Variants in RMDN2 observed in about 807,000 individuals in gnomAD.
RMDN2 encodes regulator of microtubule dynamics 2, also known as regulator of microtubule dynamics protein 2.
RMDN2 carries 61 observed loss-of-function variants against 52.8 expected under a neutral mutation model. That is an observed-to-expected ratio of 1.16 (90% CI 0.94 to 1.43). The LOEUF (loss-of-function observed/expected upper bound fraction) is 1.43, where lower values mean the gene tolerates loss of function less well. RMDN2 is among the 40% of genes most tolerant of loss of function. The pLI, the probability that RMDN2 is intolerant of heterozygous loss-of-function variation, is 0.00. For synonymous variants in RMDN2, 180 were observed against 153.1 expected, an observed-to-expected ratio of 1.18 and a Z score of -1.30; for missense variants, 592 against 475.3, an observed-to-expected ratio of 1.25 and a Z score of -2.28.
intron 10 of RMDN2, among the ~76,000 whole-genome samples, chr2:38,010,813 G>C (rs1276748112): frequency 1.3e-5 from 2 of 152,184 alleles, no homozygotes; most frequent in Non-Finnish European, 2.9e-5. Flanking sequence ...CACGCTCGGA[G>C]CTGTAGACTG....
chr2:37,977,895 C>T (rs1037840914), intron 4 of RMDN2, among the ~76,000 whole-genome samples: 16 of 151,812 alleles, frequency 1.1e-4, no homozygotes, highest in African/African-American at 1.5e-4. Context: ...CAGGCAGAGA[C>T]GCTCCTCACT....
intron 2 of RMDN2, among the ~76,000 whole-genome samples, chr2:37,970,837 A>G (rs7567829): frequency 0.82 from 124,660 of 152,126 alleles, 51,281 homozygotes; most frequent in Middle Eastern, 0.92. Flanking sequence ...ATAAAGCTCC[A>G]TCTTTTAAAT....
At chr2:37,963,118 A>T (rs1407561820) in intron 2 of RMDN2, 3 of 149,980 alleles carry the variant, frequency 2.0e-5, no homozygotes, top group Non-Finnish European at 4.4e-5. Context: ...TCTCGCTGGG[A>T]GCTGCAGACC....
chr2:37,933,221 G>A lies in RMDN2; in HGVS notation c.452+3492G>A, dbSNP rs571144094. ...TCACTTCCCAGATGTGATGGTGGCC[G>A]GGAAGAGGCGCTCCTCACTTCCTAG... On this transcript the variant is annotated intron_variant, in intron 2 of 10. Transcript: ENST00000354545. Among the ~76,000 whole-genome samples, 508 of 151,972 alleles carry A rather than the reference G, an allele frequency of 3.3e-3. 2 individuals carry two copies. Among genetic ancestry groups the A allele is most frequent in the Middle Eastern group, 0.017 (5 of 292 alleles).
At chr2:37,968,402 G>C (rs1671354718) in intron 2 of RMDN2, among the ~76,000 whole-genome samples, 1 of 133,820 alleles carries the variant, frequency 7.5e-6, no homozygotes, top group Non-Finnish European at 1.5e-5. Flanking sequence ...TCACACCACT[G>C]CCCTCCAGCC....
In RMDN2 at chr2:38,022,988, T is replaced by C. The variant is rs76949227; in HGVS notation, c.1713+18772T>C. Among the ~76,000 whole-genome samples, 788 of 152,322 alleles carry C rather than the reference T, an allele frequency of 5.2e-3. 8 individuals carry two copies. The highest frequency in any genetic ancestry group is 0.02 in the Middle Eastern group (6 of 294). On this transcript the variant is annotated intron_variant, in intron 10 of 10. Transcript: ENST00000234195. Reference sequence around the variant, plus strand: ...TTCTTTGAGCCCGGGGCTGTTTATGTTTAATTGATTGGAGTCCAGTGTGTC... The same window carrying C: ...TTCTTTGAGCCCGGGGCTGTTTATGCTTAATTGATTGGAGTCCAGTGTGTC...
intron 10 of RMDN2, among the ~76,000 whole-genome samples, chr2:38,050,366 A>G (rs1476563680): frequency 1.3e-5 from 2 of 152,108 alleles, no homozygotes; most frequent in Non-Finnish European, 2.9e-5. Context: ...AAATAAAAAA[A>G]AAACCTTCCC....
chr2:38,003,596 ATAGATAGG>A (rs1221727920), intron 8 of RMDN2, among the ~76,000 whole-genome samples: 28 of 120,538 alleles, frequency 2.3e-4, no homozygotes, highest in East Asian at 7.1e-4. Context: ...AGATAGATAG[ATAGATAGG>A]CAGACAGACA....
At chr2:37,994,792 A>T (rs1006440808) in intron 7 of RMDN2, among the ~76,000 whole-genome samples, 2 of 152,250 alleles carry the variant, frequency 1.3e-5, no homozygotes, top group Admixed American at 1.3e-4. Flanking sequence ...AGTATTCACC[A>T]AGAGAAATAA....
chr2:37,929,252 T>C lies in RMDN2; in HGVS notation c.-16-10T>C. The C allele has an allele frequency of 7.0e-7, 1 of 1,430,958 alleles. No homozygotes were observed. The highest frequency in any genetic ancestry group is 1.4e-5 in the African/African-American group (1 of 69,360). The allele number at this position is 1,430,958 out of a possible 1,614,324, so 88.6% of individuals were successfully genotyped here. A position where few individuals can be genotyped will look rare whatever the true frequency, so the allele number is the denominator to read the frequency against. On this transcript the variant is annotated splice_polypyrimidine_tract_variant and intron_variant, in intron 1 of 10. Transcript: ENST00000354545. ...ACAACATTCATTTACATTTATGTTT[T>C]TAATTTTAGAAACGAAAACCAAGAA...
intron 10 of RMDN2, among the ~76,000 whole-genome samples, chr2:38,010,726 G>A (rs1365127876): frequency 2.0e-5 from 3 of 152,102 alleles, no homozygotes; most frequent in East Asian, 1.9e-4. Flanking sequence ...TCCTGCACCC[G>A]CTTTCTGACA....
At chr2:37,951,949 T>C in intron 2 of RMDN2, 1 of 1,613,562 alleles carries the variant, frequency 6.2e-7, no homozygotes, top group Non-Finnish European at 8.5e-7. Flanking sequence ...TGTAAAGATT[T>C]AAAAGATTTC....
chr2:38,003,014 G>A (rs964273072), intron 8 of RMDN2: 1 of 152,150 alleles, frequency 6.6e-6, no homozygotes, highest in African/African-American at 2.4e-5. Flanking sequence ...ATTTCCCAGA[G>A]ATAAAGGAAC....
At chr2:38,033,142 C>A (rs1348546236) in intron 10 of RMDN2, 2 of 152,210 alleles carry the variant, frequency 1.3e-5, no homozygotes, top group African/African-American at 2.4e-5. Flanking sequence ...ATTCATAGTT[C>A]TCTGACCAGT....
chr2:38,037,501 G>T (rs1680663811), intron 10 of RMDN2, among the ~76,000 whole-genome samples: 1 of 152,204 alleles, frequency 6.6e-6, no homozygotes, highest in South Asian at 2.1e-4. Flanking sequence ...GAAGTGTGTG[G>T]CAACACCAAA....
intron 10 of RMDN2, among the ~76,000 whole-genome samples, chr2:38,009,577 T>A (rs1573071521): frequency 6.6e-6 from 1 of 152,242 alleles, no homozygotes; most frequent in African/African-American, 2.4e-5. Flanking sequence ...CTTTAAGGAA[T>A]TCTCTGCGTT....
At chr2:38,059,474 C>T (rs989948505) in intron 10 of RMDN2, among the ~76,000 whole-genome samples, 2 of 152,144 alleles carry the variant, frequency 1.3e-5, no homozygotes, top group African/African-American at 4.8e-5. Context: ...GAGTTTATAT[C>T]CTGGGAACTG....
intron 10 of RMDN2, among the ~76,000 whole-genome samples, chr2:38,011,910 C>T (rs1419968901): frequency 6.6e-6 from 1 of 152,220 alleles, no homozygotes; most frequent in African/African-American, 2.4e-5. Flanking sequence ...CTCCTCACAG[C>T]TTCCTTGCCT....
intron 4 of RMDN2, among the ~76,000 whole-genome samples, chr2:37,980,506 G>C (rs1474408918): frequency 6.6e-6 from 1 of 152,138 alleles, no homozygotes; most frequent in Admixed American, 6.5e-5. Flanking sequence ...GTTTCGCCAT[G>C]TTGGCCAGAT....
Sources: gnomAD v4.1 joint callset for allele counts (sites outside exome capture counted in the v4.1 genomes callset) on GRCh38, gnomAD v4.1.1 for gene constraint, MANE v1.5 for transcripts, NCBI Gene and HGNC (gene_info 2026-07-23, HGNC 2026-07-21) for gene names.